Variants in NAALADL2 observed in about 807,000 individuals in gnomAD.
The protein encoded by NAALADL2 is N-acetylated alpha-linked acidic dipeptidase like 2.
NAALADL2 carries 76 observed loss-of-function variants against 87.2 expected under a neutral mutation model. That is an observed-to-expected ratio of 0.87 (90% confidence interval 0.72 to 1.05). The LOEUF (loss-of-function observed/expected upper bound fraction) is 1.05. Ranked by LOEUF, NAALADL2 falls within the 50% of genes least tolerant of loss-of-function variation. NAALADL2 has a pLI of 0.00. For missense variants in NAALADL2, 1,089 were observed against 945.8 expected (o/e 1.15, Z -1.99); for synonymous variants, 354 against 331.0 (o/e 1.07, Z -0.75).
chr3:175,485,123 T>G, intron 9 of NAALADL2, among the ~76,000 whole-genome samples: 1 of 152,174 alleles, frequency 6.6e-6, no homozygotes, highest in East Asian at 1.9e-4. Flanking sequence ...TAGCTTCAGT[T>G]TTGTTTCATC....
intron 3 of NAALADL2, among the ~76,000 whole-genome samples, chr3:174,784,527 C>T (rs1387421454): frequency 6.6e-6 from 1 of 152,164 alleles, no homozygotes; most frequent in Non-Finnish European, 1.5e-5. Context: ...CGATAAAAAC[C>T]TTTTCTTAAG....
intron 2 of NAALADL2, among the ~76,000 whole-genome samples, chr3:175,206,275 A>ACT (rs1740852082): frequency 1.7e-5 from 1 of 57,788 alleles, no homozygotes; most frequent in African/African-American, 8.2e-5. Flanking sequence ...TTTTTTTTTC[A>ACT]CTGTGTGTGT....
intron 12 of NAALADL2, among the ~76,000 whole-genome samples, chr3:175,751,744 T>A (rs1746649327): frequency 4.6e-5 from 7 of 152,150 alleles, no homozygotes; most frequent in Admixed American, 4.6e-4. Flanking sequence ...TAATTTTCTT[T>A]GTTTAAACGT....
rs80305525 is a variant in NAALADL2 at position 174,959,288 on chromosome 3, A to T, written c.43+99838A>T. Among the ~76,000 whole-genome samples the T allele has an allele frequency of 1.9e-3, 287 of 152,178 alleles. 3 individuals carry two copies. The highest frequency in any genetic ancestry group is 6.7e-3 in the African/African-American group (279 of 41,546). ...ATAACTATTCACGGGGCTATGTCAG[A>T]GTATAGGCAACCTGAAAATAGGAAT... On this transcript the variant is annotated intron_variant, in intron 1 of 13. Transcript: ENST00000454872.
intron 1 of NAALADL2, among the ~76,000 whole-genome samples, chr3:175,048,814 G>A (rs1228185590): frequency 6.6e-6 from 1 of 151,960 alleles, no homozygotes; most frequent in Non-Finnish European, 1.5e-5. Flanking sequence ...ATTTGAAATG[G>A]AGCATTCATA....
chr3:175,697,836 T>A, intron 11 of NAALADL2, among the ~76,000 whole-genome samples: 1 of 100,750 alleles, frequency 9.9e-6, no homozygotes, highest in African/African-American at 3.7e-5. Context: ...TATATGTGTA[T>A]TTATGTATAC....
At chr3:175,088,199 A>G (rs1719423801) in intron 1 of NAALADL2, among the ~76,000 whole-genome samples, 1 of 152,178 alleles carries the variant, frequency 6.6e-6, no homozygotes, top group African/African-American at 2.4e-5. Flanking sequence ...ATTGTAGCCT[A>G]ACAGTGTGTA....
At chr3:175,743,939 A>G (rs746345964) in intron 12 of NAALADL2, among the ~76,000 whole-genome samples, 15 of 152,180 alleles carry the variant, frequency 9.9e-5, no homozygotes, top group Non-Finnish European at 2.1e-4. Context: ...AAGAGTGAGT[A>G]ATGATGAGTC....
intron 2 of NAALADL2, among the ~76,000 whole-genome samples, chr3:174,638,720 A>G (rs1031758443): frequency 2.0e-5 from 3 of 152,256 alleles, no homozygotes; most frequent in African/African-American, 7.2e-5. Context: ...GCATATTAAC[A>G]GGATTCAGAA....
intron 3 of NAALADL2, among the ~76,000 whole-genome samples, chr3:174,805,774 T>G (rs1417785063): frequency 1.3e-5 from 2 of 152,162 alleles, no homozygotes; most frequent in Non-Finnish European, 2.9e-5. Flanking sequence ...ACACTCACAA[T>G]TTGAAAACTG....
At chr3:175,663,470 G>T (rs1732552148) in intron 11 of NAALADL2, among the ~76,000 whole-genome samples, 1 of 151,496 alleles carries the variant, frequency 6.6e-6, no homozygotes, top group African/African-American at 2.4e-5. Context: ...CTAAGAATTT[G>T]TTGATTTTAT....
chr3:174,620,458 G>T (rs1720895040), intron 2 of NAALADL2, among the ~76,000 whole-genome samples: 1 of 151,644 alleles, frequency 6.6e-6, no homozygotes, highest in African/African-American at 2.4e-5. Flanking sequence ...TTTTTCAACT[G>T]GCTACTAAGT....
intron 2 of NAALADL2, among the ~76,000 whole-genome samples, chr3:174,589,949 T>C (rs1717175837): frequency 1.3e-5 from 2 of 152,070 alleles, no homozygotes; most frequent in African/African-American, 4.8e-5. Flanking sequence ...GTGTTCTTTA[T>C]ATCTTTACAT....
intron 2 of NAALADL2, among the ~76,000 whole-genome samples, chr3:175,147,425 CT>C (rs1730902049): frequency 6.6e-6 from 1 of 152,182 alleles, no homozygotes; most frequent in East Asian, 1.9e-4. Context: ...TGGTTTTGTT[CT>C]TTTTTGTGGC....
chr3:175,801,485 G>T (rs1754137283), intron 13 of NAALADL2, among the ~76,000 whole-genome samples: 1 of 152,002 alleles, frequency 6.6e-6, no homozygotes, highest in Admixed American at 6.6e-5. Context: ...CTATAATTTT[G>T]TGTCTTTGCT....
chr3:174,923,098 G>C (rs1277244066), intron 1 of NAALADL2, among the ~76,000 whole-genome samples: 1 of 152,100 alleles, frequency 6.6e-6, no homozygotes, highest in Non-Finnish European at 1.5e-5. Context: ...TTCCAGAAGG[G>C]ACAGGGTAAA....
chr3:174,914,083 G>A (rs1474247371), intron 1 of NAALADL2, among the ~76,000 whole-genome samples: 1 of 147,506 alleles, frequency 6.8e-6, no homozygotes, highest in Non-Finnish European at 1.5e-5. Flanking sequence ...TTTAATTAGA[G>A]ACGGAGTCTC....
intron 4 of NAALADL2, among the ~76,000 whole-genome samples, chr3:175,262,999 C>CAAAAAAAAAAAAA: frequency 7.8e-6 from 1 of 128,930 alleles, no homozygotes; most frequent in Non-Finnish European, 1.7e-5. Context: ...GAAGTAATTG[C>CAAAAAAAAAAAAA]AAAAAAAAAA....
At chr3:175,212,233 T>A (rs2109274563) in intron 2 of NAALADL2, among the ~76,000 whole-genome samples, 1 of 152,140 alleles carries the variant, frequency 6.6e-6, no homozygotes, top group Middle Eastern at 3.4e-3. Context: ...CCATTAATGC[T>A]AGTTTATTTC....
Sources: allele counts gnomAD v4.1 joint callset (sites outside exome capture counted in the v4.1 genomes callset), GRCh38; gene constraint gnomAD v4.1.1; transcripts MANE v1.5; gene names NCBI Gene and HGNC (gene_info 2026-07-23, HGNC 2026-07-21).